The following FOXN3 variants were observed in gnomAD, a reference collection of about 807,000 sequenced individuals.
The protein encoded by FOXN3 is forkhead box N3, also known as forkhead box protein N3.
Under a neutral mutation model 38.4 loss-of-function variants are expected in FOXN3, and 7 were observed. The observed-to-expected ratio is 0.18, with a 90% CI of 0.10 to 0.34. The LOEUF (loss-of-function observed/expected upper bound fraction) is 0.34. Among genes scored for constraint, FOXN3 ranks in the 10% least tolerant of loss-of-function variants. FOXN3 has a pLI of 1.00. For missense variants in FOXN3, 456 were observed against 613.4 expected, an observed-to-expected ratio of 0.74 and a Z score of 2.71; for synonymous variants, 230 against 242.2, an observed-to-expected ratio of 0.95 and a Z score of 0.47.
In FOXN3 at chr14:89,162,428, T is replaced by C; in HGVS notation, c.1393A>G (p.Thr465Ala). The change falls in exon 6 of 6, where the codon ACC becomes GCC. Residue 465 changes from threonine to alanine, a missense_variant. By Grantham distance (58) the Thr-to-Ala change is moderately conservative (BLOSUM62 0). Around this residue, in one of 3 missense-constraint regions of FOXN3, gnomAD observed 386 missense variants for 505.2 expected, o/e 0.76. Coordinates refer to ENST00000557258, the MANE Select transcript of FOXN3 (RefSeq NM_005197.4). The surrounding 1 kb of genome is among the most constrained non-coding windows in gnomAD (Gnocchi z 7.2). Reference protein sequence around the residue: ...TAKGQKEQKETTKN With the variant: ...TAKGQKEQKEATKN ...GTGACTTGTTTTTAATTTTTTGTGG[T>C]TTCCTTTTGCTCTTTCTGCCCCTTT... is the stretch of plus-strand genomic sequence containing the variant. The C allele has an allele frequency of 1.3e-6, 2 of 1,554,572 alleles. No homozygotes were observed. Among genetic ancestry groups the C allele is most frequent in the Non-Finnish European group, 1.7e-6 (2 of 1,150,896 alleles).
At chr14:89,604,242 T>TGC (rs1214210178) in intron 1 of FOXN3, among the ~76,000 whole-genome samples, 4 of 120,546 alleles carry the variant, frequency 3.3e-5, no homozygotes, top group Non-Finnish European at 7.0e-5. Context: ...CACACACACG[T>TGC]GCGCGCACAC....
intron 1 of FOXN3, among the ~76,000 whole-genome samples, chr14:89,592,321 T>TA (rs1895973727): frequency 6.6e-6 from 1 of 151,916 alleles, no homozygotes; most frequent in African/African-American, 2.4e-5. Flanking sequence ...AACAAGCAAA[T>TA]AAGCAAAACC....
At chr14:89,420,821 A>G (rs1891883842), upstream of FOXN3, among the ~76,000 whole-genome samples, 1 of 151,952 alleles carries the variant, frequency 6.6e-6, no homozygotes, top group South Asian at 2.1e-4. Context: ...TGTTAAGGTC[A>G]GAGGGCAAAG....
chr14:89,292,569 G>A (rs1886909717), intron 3 of FOXN3, among the ~76,000 whole-genome samples: 1 of 152,158 alleles, frequency 6.6e-6, no homozygotes, highest in South Asian at 2.1e-4. Flanking sequence ...CCATATAAAG[G>A]GGCTTAAAGG....
At chr14:89,459,214 A>G (rs1892789492) in intron 1 of FOXN3, among the ~76,000 whole-genome samples, 2 of 152,346 alleles carry the variant, frequency 1.3e-5, no homozygotes, top group South Asian at 4.1e-4. Flanking sequence ...AAATGACCTT[A>G]TGATGACATA....
At chr14:89,595,281 C>T (rs367839500) in intron 1 of FOXN3, among the ~76,000 whole-genome samples, 26 of 151,670 alleles carry the variant, frequency 1.7e-4, no homozygotes, top group African/African-American at 4.6e-4. Flanking sequence ...GCCGAGATCA[C>T]GCCACTGCAC....
At chr14:89,181,412 A>C (rs939273392) in intron 4 of FOXN3, among the ~76,000 whole-genome samples, 2 of 152,172 alleles carry the variant, frequency 1.3e-5, no homozygotes, top group African/African-American at 4.8e-5. Flanking sequence ...TAATCCAACA[A>C]GGGGAAAAAT....
chr14:89,412,144 G>T lies in FOXN3; in HGVS notation c.333C>A (p.Pro111=). The T allele has an allele frequency of 6.2e-7, 1 of 1,611,236 alleles. No individual in the cohort carries two copies. The highest frequency in any genetic ancestry group is 8.5e-7 in the Non-Finnish European group (1 of 1,178,030). Residue 111 remains proline, a synonymous_variant, in exon 2 of 6, where the codon CCC becomes CCA. Coordinates refer to ENST00000557258, the MANE Select transcript of FOXN3 (RefSeq NM_005197.4). The surrounding 1 kb of genome is among the most constrained non-coding windows in gnomAD (Gnocchi z 4.7). ...TGAAGGAGTAGGGGGGTTTGCAGTT[G>T]GGGTTCTGCCTGGCATCGTAGGGCA... is the stretch of plus-strand genomic sequence containing the variant. ...SDMPYDARQN[P]NCKPPYSFSC... is the part of the protein sequence containing the mutation.
intron 1 of FOXN3, among the ~76,000 whole-genome samples, chr14:89,531,167 G>A (rs1190065635): frequency 1.3e-5 from 2 of 150,008 alleles, no homozygotes; most frequent in East Asian, 3.9e-4. Flanking sequence ...ATATATATGT[G>A]TATAAATGTA....
At chr14:89,590,177 A>G (rs893456269) in intron 1 of FOXN3, among the ~76,000 whole-genome samples, 6 of 152,182 alleles carry the variant, frequency 3.9e-5, no homozygotes, top group Non-Finnish European at 8.8e-5. Flanking sequence ...AGGGCAGAGT[A>G]TTTCAATGAT....
intron 1 of FOXN3, among the ~76,000 whole-genome samples, chr14:89,446,706 A>G (rs897199921): frequency 1.3e-5 from 2 of 152,102 alleles, no homozygotes; most frequent in Non-Finnish European, 2.9e-5. Context: ...GGTTGTCACT[A>G]CACACTTTTC....
intron 1 of FOXN3, among the ~76,000 whole-genome samples, chr14:89,487,960 T>C (rs1049548749): frequency 3.9e-5 from 6 of 151,992 alleles, no homozygotes; most frequent in Admixed American, 2.0e-4. Flanking sequence ...GGCCCGGAGG[T>C]TGGAAAGCGT....
At chr14:89,422,901 G>A (rs1212639971) in intron 1 of FOXN3, among the ~76,000 whole-genome samples, 3 of 152,172 alleles carry the variant, frequency 2.0e-5, no homozygotes, top group Non-Finnish European at 4.4e-5. Flanking sequence ...AGGTGCCCTC[G>A]CCAAACCTGA....
At chr14:89,212,141 G>C (rs1033024320) in intron 4 of FOXN3, among the ~76,000 whole-genome samples, 3 of 152,212 alleles carry the variant, frequency 2.0e-5, no homozygotes, top group African/African-American at 7.2e-5. Flanking sequence ...CCAGCCTCCA[G>C]AACTGTGAGA....
intron 1 of FOXN3, among the ~76,000 whole-genome samples, chr14:89,516,361 G>C (rs1225869565): frequency 6.6e-6 from 1 of 152,104 alleles, no homozygotes; most frequent in East Asian, 1.9e-4. Context: ...CTAAGGTGTA[G>C]AAGTAAGTAA....
Position 89,525,432 on chromosome 14 carries a change from G to A in FOXN3, c.-15+93596C>T, listed in dbSNP as rs755181695. 5.2e-4 allele frequency among the ~76,000 whole-genome samples: 79 copies of A among 152,054 alleles called. 1 individual carries two copies. Among genetic ancestry groups the A allele is most frequent in the Non-Finnish European group, 2.1e-4 (14 of 68,036 alleles). ...GCAATGTCAGGAAGTTACCCTATAT[G>A]GTCTAGAAAGGACAGGAACCCTCAG... On this transcript the variant is annotated intron_variant, in intron 1 of 6. Transcript: ENST00000345097.
At chr14:89,469,282 C>T (rs1223518503) in intron 1 of FOXN3, among the ~76,000 whole-genome samples, 1 of 152,142 alleles carries the variant, frequency 6.6e-6, no homozygotes, top group African/African-American at 2.4e-5. Context: ...TGACAGCCAT[C>T]GGCCAATCCC....
At chr14:89,225,411 T>C (rs1005517471) in intron 4 of FOXN3, among the ~76,000 whole-genome samples, 1 of 151,938 alleles carries the variant, frequency 6.6e-6, no homozygotes, top group Non-Finnish European at 1.5e-5. Context: ...GAGACCATCC[T>C]GGCTGACATG....
intron 1 of FOXN3, among the ~76,000 whole-genome samples, chr14:89,598,676 A>G (rs1221733471): frequency 1.3e-5 from 2 of 152,216 alleles, no homozygotes; most frequent in Non-Finnish European, 2.9e-5. Flanking sequence ...TCTTTCAGCA[A>G]TTTGAAGATA....
Sources: allele counts gnomAD v4.1 joint callset (sites outside exome capture counted in the v4.1 genomes callset), GRCh38; gene constraint gnomAD v4.1.1; regional missense constraint gnomAD v4.1.1; non-coding constraint Gnocchi (gnomAD v3.1); transcripts MANE v1.5; gene names NCBI Gene and HGNC (gene_info 2026-07-23, HGNC 2026-07-21).